MND1: variants seen among roughly 807,000 people sequenced by gnomAD.
MND1 encodes meiotic nuclear divisions 1.
Under a neutral mutation model 35.1 loss-of-function variants are expected in MND1, and 28 were observed. That is an observed-to-expected ratio of 0.80 (90% CI 0.59 to 1.09). The LOEUF is 1.09. MND1 is among the 50% of genes least tolerant of loss of function. The pLI is 0.00. For synonymous variants in MND1, 69 were observed against 70.5 expected (o/e 0.98, Z 0.11); for missense variants, 213 against 239.6 (o/e 0.89, Z 0.73).
At chr4:153,373,770 C>A (rs996246888) in intron 4 of MND1, among the ~76,000 whole-genome samples, 1 of 152,178 alleles carries the variant, frequency 6.6e-6, no homozygotes, top group Non-Finnish European at 1.5e-5. Context: ...TTTGATACGT[C>A]ATTTCTAAAA....
intron 4 of MND1, chr4:153,381,692 ATTTTTTTTTT>A (rs765943574): frequency 5.1e-4 from 9 of 17,478 alleles, no homozygotes; most frequent in East Asian, 2.4e-3. Flanking sequence ...ATATATATAT[ATTTTTTTTTT>A]TTTTTTTTTT....
intron 4 of MND1, among the ~76,000 whole-genome samples, chr4:153,379,844 C>A (rs1728618938): frequency 9.5e-6 from 1 of 105,552 alleles, no homozygotes; most frequent in East Asian, 2.8e-4. Flanking sequence ...AGCAAGACTC[C>A]ATCTCAAAAA....
At chr4:153,361,217 G>T (rs577410977) in intron 4 of MND1, among the ~76,000 whole-genome samples, 1 of 152,338 alleles carries the variant, frequency 6.6e-6, no homozygotes, top group East Asian at 1.9e-4. Flanking sequence ...TGTTCAGCCA[G>T]AGTTTAAGAG....
At chr4:153,355,248 AAAGAGTTTCTAAT>A (rs758266399) in intron 2 of MND1, among the ~76,000 whole-genome samples, 103 of 152,316 alleles carry the variant, frequency 6.8e-4, no homozygotes, top group Non-Finnish European at 1.3e-3. Context: ...TGAGATAATC[AAAGAGTTTCTAAT>A]AAGCTCTAAA....
intron 4 of MND1, among the ~76,000 whole-genome samples, chr4:153,389,098 G>T (rs1258956653): frequency 6.6e-6 from 1 of 152,220 alleles, no homozygotes; most frequent in Non-Finnish European, 1.5e-5. Flanking sequence ...GAAAGGGTAG[G>T]TATATGTAAA....
intron 6 of MND1, among the ~76,000 whole-genome samples, chr4:153,399,081 G>GA (rs1262363527): frequency 1.3e-5 from 2 of 152,274 alleles, no homozygotes; most frequent in East Asian, 3.9e-4. Context: ...AGTTCATCAT[G>GA]AAAAATCTGA....
At chr4:153,382,084 C>T (rs756217774) in intron 4 of MND1, 15 of 151,916 alleles carry the variant, frequency 9.9e-5, no homozygotes, top group Admixed American at 4.6e-4. Flanking sequence ...AAGTCTAGCT[C>T]TTACTTGACT....
intron 6 of MND1, among the ~76,000 whole-genome samples, chr4:153,404,168 T>G (rs1464632034): frequency 1.4e-5 from 2 of 147,768 alleles, no homozygotes; most frequent in African/African-American, 5.0e-5. Flanking sequence ...AAACCAAAAA[T>G]TGGTTCTTTT....
At chr4:153,399,962 A>G (rs1026749684) in intron 6 of MND1, among the ~76,000 whole-genome samples, 1 of 125,458 alleles carries the variant, frequency 8.0e-6, no homozygotes, top group African/African-American at 3.2e-5. Flanking sequence ...AGTGCAGTGC[A>G]TGATCAGGGA....
chr4:153,379,861 A>G (rs28593462), intron 4 of MND1, among the ~76,000 whole-genome samples: 1 of 138,524 alleles, frequency 7.2e-6, no homozygotes, highest in African/African-American at 2.9e-5. Context: ...AAAAAAAAAA[A>G]AAAAAAAAAA....
At chr4:153,360,013 C>T (rs1009857261) in intron 4 of MND1, among the ~76,000 whole-genome samples, 3 of 152,050 alleles carry the variant, frequency 2.0e-5, no homozygotes, top group Admixed American at 6.6e-5. Flanking sequence ...TCTTGAACTC[C>T]TGACCTCAGG....
intron 1 of MND1, chr4:153,345,401 C>T (rs1358594852): frequency 1.8e-5 from 18 of 985,428 alleles, no homozygotes; most frequent in Non-Finnish European, 2.2e-5. Flanking sequence ...GCAGGAGTCG[C>T]TGCTCTTGTG....
chr4:153,409,425 G>A (rs917583037), intron 7 of MND1, among the ~76,000 whole-genome samples: 1 of 151,688 alleles, frequency 6.6e-6, no homozygotes, highest in Non-Finnish European at 1.5e-5. Context: ...GCCAGTTACT[G>A]TAATGTCTGT....
At chr4:153,368,701 G>T (rs2077981588) in intron 4 of MND1, among the ~76,000 whole-genome samples, 1 of 152,086 alleles carries the variant, frequency 6.6e-6, no homozygotes, top group South Asian at 2.1e-4. Context: ...TGGGTCTCTG[G>T]TGGCATCATG....
chr4:153,402,009 G>T (rs1579952154), intron 6 of MND1, among the ~76,000 whole-genome samples: 1 of 152,074 alleles, frequency 6.6e-6, no homozygotes, highest in Admixed American at 6.5e-5. Flanking sequence ...ACAACAATTA[G>T]CCAGGCATGG....
chr4:153,400,562 T>C (rs1324860282), intron 6 of MND1, among the ~76,000 whole-genome samples: 1 of 152,088 alleles, frequency 6.6e-6, no homozygotes, highest in African/African-American at 2.4e-5. Context: ...TGGCATGCGC[T>C]TTATTCAAGT....
At chr4:153,359,003 T>C (rs1773414218) in intron 4 of MND1, among the ~76,000 whole-genome samples, 1 of 152,222 alleles carries the variant, frequency 6.6e-6, no homozygotes, top group Non-Finnish European at 1.5e-5. Context: ...CATCCTATAC[T>C]AGTGTAATAT....
intron 3 of MND1, among the ~76,000 whole-genome samples, chr4:153,356,856 C>T (rs1372693169): frequency 1.3e-5 from 2 of 151,520 alleles, no homozygotes; most frequent in African/African-American, 4.9e-5. Flanking sequence ...AGGCTGGAGC[C>T]CAGTGGTCCA....
At chr4:153,391,580 C>A (rs926174140) in intron 4 of MND1, among the ~76,000 whole-genome samples, 1 of 151,370 alleles carries the variant, frequency 6.6e-6, no homozygotes, top group Non-Finnish European at 1.5e-5. Context: ...ACAAAAAATT[C>A]GTCGGATGTG....
Sources: gnomAD v4.1 joint callset for allele counts (sites outside exome capture counted in the v4.1 genomes callset) on GRCh38, gnomAD v4.1.1 for gene constraint, MANE v1.5 for transcripts, NCBI Gene and HGNC (gene_info 2026-07-23, HGNC 2026-07-21) for gene names.